MPPED2: variants seen among roughly 807,000 people sequenced by gnomAD.
MPPED2 encodes metallophosphoesterase domain containing 2, also known as metallophosphoesterase MPPED2.
A neutral mutation model predicts 33.0 loss-of-function variants in MPPED2; 5 were observed. The ratio of observed to expected loss-of-function variants is 0.15; its 90% CI spans 0.08 to 0.32. The LOEUF is 0.32. Ranked by LOEUF, MPPED2 falls within the 10% of genes least tolerant of loss-of-function variation. The pLI is 1.00. For synonymous variants in MPPED2, 136 were observed against 141.9 expected (o/e 0.96, Z 0.29); for missense variants, 275 against 372.1 (o/e 0.74, Z 2.15).
intron 3 of MPPED2, among the ~76,000 whole-genome samples, chr11:30,512,634 T>C (rs1022946528): frequency 2.0e-5 from 3 of 152,164 alleles, no homozygotes; most frequent in Admixed American, 1.3e-4. Flanking sequence ...TTAACGATTA[T>C]AAAGCCTGAG....
intron 2 of MPPED2, among the ~76,000 whole-genome samples, chr11:30,547,076 T>G (rs1000521516): frequency 6.6e-6 from 1 of 152,222 alleles, no homozygotes; most frequent in African/African-American, 2.4e-5. Flanking sequence ...TCACAGGGTT[T>G]GTATATCCAA....
At chr11:30,459,639 A>C (rs1950439451) in intron 4 of MPPED2, among the ~76,000 whole-genome samples, 1 of 152,166 alleles carries the variant, frequency 6.6e-6, no homozygotes. Context: ...TTCACATAGA[A>C]GCTCTCTCTC....
chr11:30,476,136 G>A (rs190937275), intron 4 of MPPED2, among the ~76,000 whole-genome samples: 1 of 151,882 alleles, frequency 6.6e-6, no homozygotes, highest in Non-Finnish European at 1.5e-5. Context: ...TATGTATTCT[G>A]GATAGAGATT....
chr11:30,523,934 C>T (rs578019877), intron 3 of MPPED2, among the ~76,000 whole-genome samples: 17 of 152,020 alleles, frequency 1.1e-4, no homozygotes, highest in Non-Finnish European at 1.9e-4. Flanking sequence ...AAACTTGGAC[C>T]GGAAAGTTGC....
chr11:30,456,640 A>T (rs1015751914), intron 4 of MPPED2, among the ~76,000 whole-genome samples: 3 of 152,206 alleles, frequency 2.0e-5, no homozygotes, highest in African/African-American at 7.2e-5. Flanking sequence ...AAGCAATATT[A>T]CAATCCTGAT....
In MPPED2 at chr11:30,585,534, A is replaced by G. The variant is rs1957423078; in HGVS notation, c.-122+508T>C. 4.6e-5 allele frequency among the ~76,000 whole-genome samples: 7 copies of G among 152,048 alleles called. No individual in the cohort carries two copies. In the South Asian group the frequency reaches 1.5e-3, roughly 32 times the overall value. On this transcript the variant is annotated intron_variant, in intron 1 of 6. Coordinates refer to ENST00000358117, the MANE Select transcript of MPPED2 (RefSeq NM_001584.3). Reference sequence around the variant, plus strand: ...CCAGGCCTAGGCCGGGGCGGCTCGAACACATCACCCCGGGACTTTCTAGTA... The same window carrying G: ...CCAGGCCTAGGCCGGGGCGGCTCGAGCACATCACCCCGGGACTTTCTAGTA...
chr11:30,505,698 T>G (rs1478154654), intron 3 of MPPED2, among the ~76,000 whole-genome samples: 2 of 152,212 alleles, frequency 1.3e-5, no homozygotes, highest in Admixed American at 6.5e-5. Context: ...TTCCACCAGA[T>G]AATCACAAGA....
exon 7 of MPPED2, chr11:30,385,277 G>T (rs185933471): frequency 6.6e-6 from 1 of 152,300 alleles, no homozygotes; most frequent in Admixed American, 6.5e-5. Context: ...CCCTAAGCAG[G>T]TAGGGAATGC....
chr11:30,474,938 A>C (rs1951113570), intron 4 of MPPED2, among the ~76,000 whole-genome samples: 1 of 152,228 alleles, frequency 6.6e-6, no homozygotes, highest in South Asian at 2.1e-4. Context: ...AAAACTGCAT[A>C]ACTTGACAGA....
chr11:30,541,265 T>G (rs189922720), intron 2 of MPPED2, among the ~76,000 whole-genome samples: 2 of 152,132 alleles, frequency 1.3e-5, no homozygotes, highest in African/African-American at 2.4e-5. Flanking sequence ...CATATTAGGG[T>G]TTTTTTACTC....
At chr11:30,459,930 G>T (rs975322223) in intron 4 of MPPED2, among the ~76,000 whole-genome samples, 9 of 152,184 alleles carry the variant, frequency 5.9e-5, no homozygotes, top group African/African-American at 2.2e-4. Flanking sequence ...ACTATCTGGA[G>T]GCAAACAGCA....
At chr11:30,565,256 C>A (rs1956398010) in intron 2 of MPPED2, among the ~76,000 whole-genome samples, 1 of 152,102 alleles carries the variant, frequency 6.6e-6, no homozygotes, top group African/African-American at 2.4e-5. Flanking sequence ...CCGCTTGGCC[C>A]TAACAGCATC....
chr11:30,573,318 A>C (rs1304787043), intron 2 of MPPED2, among the ~76,000 whole-genome samples: 1 of 152,218 alleles, frequency 6.6e-6, no homozygotes, highest in Non-Finnish European at 1.5e-5. Flanking sequence ...AGTATAGCAC[A>C]TCCAATTATG....
intron 2 of MPPED2, among the ~76,000 whole-genome samples, chr11:30,559,769 G>A (rs889144441): frequency 2.6e-5 from 4 of 151,862 alleles, no homozygotes; most frequent in Non-Finnish European, 4.4e-5. Context: ...TAACCAAAGG[G>A]CATTTTGTAT....
chr11:30,398,745 A>G lies in MPPED2; in HGVS notation c.767-9789T>C, dbSNP rs534774814. On this transcript the variant is annotated intron_variant, in intron 6 of 6. Coordinates refer to the MPPED2 transcript ENST00000448418. The stretch of plus-strand genomic sequence containing the variant: ...TTTTAAACTTTCCTTAATATCAGAA[A>G]AAAACTCTCTGGAAGTACAAATATG... Among the ~76,000 whole-genome samples, 5 of 152,308 alleles carry G rather than the reference A, an allele frequency of 3.3e-5. No individual in the cohort carries two copies. The East Asian group carries it at 9.6e-4, about 29-fold the overall frequency.
chr11:30,543,319 A>G (rs1408158719), intron 2 of MPPED2, among the ~76,000 whole-genome samples: 1 of 152,172 alleles, frequency 6.6e-6, no homozygotes, highest in African/African-American at 2.4e-5. Flanking sequence ...TGGCTGTGGA[A>G]TCCAGTGGCT....
intron 4 of MPPED2, among the ~76,000 whole-genome samples, chr11:30,431,702 G>A (rs770732057): frequency 2.6e-5 from 4 of 152,080 alleles, no homozygotes; most frequent in East Asian, 1.9e-4. Context: ...ACTCAACCAC[G>A]TTTTCTTCTG....
intron 4 of MPPED2, among the ~76,000 whole-genome samples, chr11:30,471,318 A>T (rs1415543724): frequency 6.6e-6 from 1 of 152,184 alleles, no homozygotes; most frequent in Non-Finnish European, 1.5e-5. Context: ...CAAAAGATAA[A>T]TATAGCCAAA....
intron 4 of MPPED2, among the ~76,000 whole-genome samples, chr11:30,440,371 A>G (rs540470882): frequency 6.6e-6 from 1 of 152,056 alleles, no homozygotes; most frequent in African/African-American, 2.4e-5. Context: ...AGCTATACCT[A>G]TTCATTTGCA....
Sources: allele counts gnomAD v4.1 joint callset (sites outside exome capture counted in the v4.1 genomes callset), GRCh38; gene constraint gnomAD v4.1.1; transcripts MANE v1.5; gene names NCBI Gene and HGNC (gene_info 2026-07-23, HGNC 2026-07-21).